The following ZNF462 variants were observed in gnomAD, a reference collection of about 807,000 sequenced individuals.
ZNF462 encodes zinc finger protein 462, also known as zinc finger PBX1-interacting protein.
ZNF462 carries 10 observed loss-of-function variants against 201.9 expected under a neutral mutation model. That is an observed-to-expected ratio of 0.05 (90% CI 0.03 to 0.08). The LOEUF is 0.08. Among genes scored for constraint, ZNF462 ranks in the 10% least tolerant of loss-of-function variants. The probability of loss-of-function intolerance (pLI) is 1.00; values close to 1 mark genes in which losing one functional copy is unlikely to be tolerated. For synonymous variants in ZNF462, 1,227 were observed against 1,193.3 expected (o/e 1.03, Z -0.58); for missense variants, 2,523 against 3,168.3 (o/e 0.80, Z 4.89).
intron 1 of ZNF462, among the ~76,000 whole-genome samples, chr9:106,869,879 GATTGTATTT>G (rs1827512208): frequency 6.6e-6 from 1 of 152,172 alleles, no homozygotes; most frequent in South Asian, 2.1e-4. Flanking sequence ...TATGAATTTA[GATTGTATTT>G]GCAGTATGCT....
At position 106,913,105 on chromosome 9, in the gene ZNF462, C is replaced by A. The variant is rs1307687779; in HGVS notation, c.-30-10249C>A. ...TAAACACATAGGTGGAACAATGCAG[C>A]CAGAGGCAGCTTCTCCATGGATGAT... On this transcript the variant is annotated intron_variant, in intron 1 of 12. Coordinates refer to ENST00000277225, the MANE Select transcript of ZNF462 (RefSeq NM_021224.6). This position sits in a 1 kb window ranked among gnomAD's most constrained non-coding sequence, Gnocchi z 4.1. 6.6e-6 allele frequency among the ~76,000 whole-genome samples: 1 copy of A among 152,104 alleles called. No individual in the cohort carries two copies. Among genetic ancestry groups the A allele is most frequent in the African/African-American group, 2.4e-5 (1 of 41,404 alleles).
In ZNF462 at chr9:106,956,688, C is replaced by T. The variant is rs1021380118; in HGVS notation, c.6428-15317C>T. Among the ~76,000 whole-genome samples, 6 of 152,322 alleles carry T rather than the reference C, an allele frequency of 3.9e-5. No homozygotes were observed. The East Asian group carries it at 1.2e-3, about 29-fold the overall frequency. On this transcript the variant is annotated intron_variant, in intron 7 of 12. Transcript: ENST00000277225. Reference sequence around the variant, plus strand: ...TAGTGGAGCCAGCTTCATCCCTTCTCTTAGCTATATCTTCTGGATAATCTG... The same window carrying T: ...TAGTGGAGCCAGCTTCATCCCTTCTTTTAGCTATATCTTCTGGATAATCTG...
At chr9:106,931,667 G>T (rs928775201) in intron 4 of ZNF462, among the ~76,000 whole-genome samples, 1 of 152,132 alleles carries the variant, frequency 6.6e-6, no homozygotes, top group African/African-American at 2.4e-5. Context: ...CTTTTCCTGT[G>T]TAATCAGTAA....
chr9:106,996,056 A>T (rs1828706559), intron 10 of ZNF462, among the ~76,000 whole-genome samples: 1 of 152,146 alleles, frequency 6.6e-6, no homozygotes, highest in African/African-American at 2.4e-5. Flanking sequence ...ATGAGTGAGA[A>T]CATGCAGTGT....
rs1564129686 is a variant in ZNF462, at chr9:106,954,273, C to T, written c.6427+15166C>T. ...ATCAAGGTGGAAGGCAAAGGGGGAG[C>T]AAGGCACATCTTATATGGTGGCAGG... On this transcript the variant is annotated intron_variant, in intron 7 of 12. Transcript: ENST00000277225. The surrounding 1 kb of genome is among the most constrained non-coding windows in gnomAD (Gnocchi z 4.0). Among the ~76,000 whole-genome samples the T allele has an allele frequency of 6.6e-6, 1 of 152,022 alleles. No individual in the cohort carries two copies. Among genetic ancestry groups the T allele is most frequent in the South Asian group, 2.1e-4 (1 of 4,822 alleles).
chr9:106,972,509 G>A lies in ZNF462; in HGVS notation c.6695+237G>A, dbSNP rs1274653776. On this transcript the variant is annotated intron_variant, in intron 8 of 12. Transcript: ENST00000277225. This position sits in a 1 kb window ranked among gnomAD's most constrained non-coding sequence, Gnocchi z 4.8. ...AATGAGTTTTAAAATTGGAGCAAAT[G>A]GGCTCTCAAGTAGTGTAAGATTGAA... 6.6e-6 allele frequency among the ~76,000 whole-genome samples: 1 copy of A among 152,138 alleles called. No homozygotes were observed. The highest frequency in any genetic ancestry group is 1.5e-5 in the Non-Finnish European group (1 of 68,024).
rs1830397481 is a variant in ZNF462 at position 106,930,906 on chromosome 9, C to T, written c.6012+217C>T. 2 of 501,976 alleles carry T rather than the reference C, an allele frequency of 4.0e-6. No individual in the cohort carries two copies. Among genetic ancestry groups the T allele is most frequent in the African/African-American group, 3.9e-5 (2 of 51,840 alleles). 31.1% of individuals were successfully genotyped at this position (501,976 alleles called of 1,614,324 possible). ...CGAGTTTCGATCTGGTTTCCTTCCA[C>T]GCGGATAGTTTGGTGGCAGCAGAAG... is the stretch of plus-strand genomic sequence containing the variant. On this transcript the variant is annotated intron_variant, in intron 4 of 12. Coordinates refer to ENST00000277225, the MANE Select transcript of ZNF462 (RefSeq NM_021224.6). The surrounding 1 kb of genome is among the most constrained non-coding windows in gnomAD (Gnocchi z 5.8).
intron 7 of ZNF462, among the ~76,000 whole-genome samples, chr9:106,951,778 A>G (rs887970830): frequency 1.1e-4 from 16 of 151,384 alleles, no homozygotes; most frequent in African/African-American, 3.4e-4. Context: ...CTCAGCCCCA[A>G]TCCGGCACTC....
intron 9 of ZNF462, chr9:106,975,886 A>G (rs569682275): frequency 4.1e-4 from 62 of 152,284 alleles, no homozygotes; most frequent in Middle Eastern, 3.4e-3. Flanking sequence ...ACGACCACAA[A>G]TACTCCCATA....
Position 106,935,714 on chromosome 9 carries a change from C to T in ZNF462, c.6235+93C>T. ...TTGAGTGAAATACTGTCCTGCCTTA[C>T]ACTTGAGAATGTTATTCTTGGGATG... is the stretch of plus-strand genomic sequence containing the variant. On this transcript the variant is annotated intron_variant, in intron 6 of 12. Transcript: ENST00000277225. The surrounding 1 kb of genome is among the most constrained non-coding windows in gnomAD (Gnocchi z 4.1). 1 of 940,912 alleles carries T rather than the reference C, an allele frequency of 1.1e-6. No individual in the cohort carries two copies. The allele number at this position is 940,912 out of a possible 1,614,324, so 58.3% of individuals were successfully genotyped here. A position where few individuals can be genotyped will look rare whatever the true frequency, so the allele number is the denominator to read the frequency against.
rs1426172824 is a variant in ZNF462, at chr9:106,885,864, C to G, written c.-31+22509C>G. 6.6e-6 allele frequency among the ~76,000 whole-genome samples: 1 copy of G among 152,110 alleles called. No individual in the cohort carries two copies. The highest frequency in any genetic ancestry group is 1.5e-5 in the Non-Finnish European group (1 of 68,024). On this transcript the variant is annotated intron_variant, in intron 1 of 12. Coordinates refer to ENST00000277225, the MANE Select transcript of ZNF462 (RefSeq NM_021224.6). This position sits in a 1 kb window ranked among gnomAD's most constrained non-coding sequence, Gnocchi z 4.1. ...CTTAAGAGTTTCCAGTTCCTCTATC[C>G]CTATTCCCTGTCATCACATAAACCA...
intron 11 of ZNF462, among the ~76,000 whole-genome samples, chr9:107,004,933 T>A (rs58231792): frequency 0.11 from 17,430 of 151,976 alleles, 2,631 homozygotes; most frequent in African/African-American, 0.35. Context: ...ACTTTTCTAG[T>A]TTCCCCACAT....
chr9:107,000,548 A>C (rs991215403), intron 10 of ZNF462, among the ~76,000 whole-genome samples: 1 of 152,170 alleles, frequency 6.6e-6, no homozygotes, highest in Admixed American at 6.5e-5. Context: ...TCATAACCCA[A>C]AACAATAAAG....
chr9:106,930,777 G>T lies in ZNF462; in HGVS notation c.6012+88G>T, dbSNP rs1830392754. On this transcript the variant is annotated intron_variant, in intron 4 of 12. Transcript: ENST00000277225. This position sits in a 1 kb window ranked among gnomAD's most constrained non-coding sequence, Gnocchi z 5.8. ...ATTGCCTAAAGCAGCTCAGGAAAGAGCATCTCAGAATGCGGGCATTCCTGA... is the reference window on the plus strand; with the variant it reads ...ATTGCCTAAAGCAGCTCAGGAAAGATCATCTCAGAATGCGGGCATTCCTGA... The T allele has an allele frequency of 6.6e-7, 1 of 1,507,354 alleles. No individual in the cohort carries two copies. The highest frequency in any genetic ancestry group is 1.8e-5 in the Admixed American group (1 of 54,402). 93.4% of individuals were successfully genotyped at this position (1,507,354 alleles called of 1,614,324 possible). A position where few individuals can be genotyped will look rare whatever the true frequency, so the allele number is the denominator to read the frequency against.
chr9:106,915,366 G>A (rs183266155), intron 1 of ZNF462, among the ~76,000 whole-genome samples: 42 of 152,290 alleles, frequency 2.8e-4, no homozygotes, highest in African/African-American at 1.0e-3. Context: ...AAAGTCTACT[G>A]TTGTGTTGGT....
chr9:106,921,026 G>A (rs1158998882), intron 1 of ZNF462, among the ~76,000 whole-genome samples: 2 of 152,204 alleles, frequency 1.3e-5, no homozygotes, highest in Non-Finnish European at 2.9e-5. Context: ...GTTGAAGGGT[G>A]TGTCTGTTGG....
intron 6 of ZNF462, among the ~76,000 whole-genome samples, chr9:106,937,377 A>C (rs2131601515): frequency 6.6e-6 from 1 of 152,272 alleles, no homozygotes; most frequent in Non-Finnish European, 1.5e-5. Flanking sequence ...GGAAAATAAT[A>C]ATCTCGGAAA....
intron 7 of ZNF462, among the ~76,000 whole-genome samples, chr9:106,969,963 T>C (rs1826505081): frequency 6.6e-6 from 1 of 152,302 alleles, no homozygotes; most frequent in South Asian, 2.1e-4. Flanking sequence ...TGTTTTGTGC[T>C]TCATTGTGCA....
chr9:106,997,863 A>T (rs12345674), intron 10 of ZNF462, among the ~76,000 whole-genome samples: 10,271 of 152,148 alleles, frequency 0.068, 372 homozygotes, highest in Middle Eastern at 0.14. Context: ...TTAGTGATTG[A>T]AAAAGTATCA....
Sources: allele counts gnomAD v4.1 joint callset (sites outside exome capture counted in the v4.1 genomes callset), GRCh38; gene constraint gnomAD v4.1.1; non-coding constraint Gnocchi (gnomAD v3.1); transcripts MANE v1.5; gene names NCBI Gene and HGNC (gene_info 2026-07-23, HGNC 2026-07-21).